PACRG: variants seen among roughly 807,000 people sequenced by gnomAD.
PACRG encodes the protein parkin coregulated.
PACRG carries 29 observed loss-of-function variants against 29.7 expected under a neutral mutation model. The observed-to-expected ratio is 0.98, with a 90% CI of 0.73 to 1.33. PACRG has a LOEUF of 1.33. PACRG is among the 40% of genes most tolerant of loss of function. The pLI is 0.00. For missense variants in PACRG, 279 were observed against 316.2 expected, an observed-to-expected ratio of 0.88 and a Z score of 0.89; for synonymous variants, 116 against 118.7, an observed-to-expected ratio of 0.98 and a Z score of 0.15.
intron 4 of PACRG, among the ~76,000 whole-genome samples, chr6:163,127,321 G>A (rs980320953): frequency 1.3e-5 from 2 of 152,146 alleles, no homozygotes; most frequent in East Asian, 1.9e-4. Flanking sequence ...AAATTGCCTC[G>A]GCCTATTCCT....
At chr6:163,109,339 G>A (rs1411065604) in intron 4 of PACRG, among the ~76,000 whole-genome samples, 1 of 152,194 alleles carries the variant, frequency 6.6e-6, no homozygotes, top group Non-Finnish European at 1.5e-5. Context: ...GTAACAGTGA[G>A]TTCAGAGCAT....
At chr6:163,122,262 A>G (rs1816314880) in intron 4 of PACRG, among the ~76,000 whole-genome samples, 1 of 149,676 alleles carries the variant, frequency 6.7e-6, no homozygotes, top group Non-Finnish European at 1.5e-5. Flanking sequence ...GTGTTTGTCC[A>G]TCTTCATTCT....
Position 162,851,076 on chromosome 6 carries a change from G to A in PACRG, c.291+36795G>A, listed in dbSNP as rs994164597. On this transcript the variant is annotated intron_variant, in intron 2 of 4. Transcript: ENST00000366888. Reference sequence around the variant, plus strand: ...CAGCATTTTCTGTGTTGACTGCGGCGGCAGTGGGGTGAGAGCGGAGGAAAA... The same window carrying A: ...CAGCATTTTCTGTGTTGACTGCGGCAGCAGTGGGGTGAGAGCGGAGGAAAA... Among the ~76,000 whole-genome samples, 14 of 152,192 alleles carry A rather than the reference G, an allele frequency of 9.2e-5. No homozygotes were observed. The East Asian group carries it at 9.6e-4, about 10-fold the overall frequency.
chr6:163,063,957 G>C (rs2274194), intron 3 of PACRG, among the ~76,000 whole-genome samples: 18,161 of 152,068 alleles, frequency 0.12, 1,243 homozygotes, highest in East Asian at 0.28. Flanking sequence ...AATTCTACTT[G>C]AACTGCTACA....
intron 4 of PACRG, among the ~76,000 whole-genome samples, chr6:163,231,666 C>A (rs547255481): frequency 6.6e-6 from 1 of 152,200 alleles, no homozygotes; most frequent in Non-Finnish European, 1.5e-5. Flanking sequence ...ATGCCTTCCC[C>A]AGGACCAGCA....
intron 2 of PACRG, among the ~76,000 whole-genome samples, chr6:163,041,392 G>C (rs1445167186): frequency 6.6e-6 from 1 of 152,162 alleles, no homozygotes; most frequent in East Asian, 1.9e-4. Flanking sequence ...GACCTGGTGG[G>C]AGGTGATTGG....
chr6:162,874,627 G>A (rs1054443342), intron 2 of PACRG, among the ~76,000 whole-genome samples: 23 of 152,176 alleles, frequency 1.5e-4, no homozygotes, highest in Non-Finnish European at 2.6e-4. Flanking sequence ...ACCCCCCAAT[G>A]TGGCGATTAG....
At chr6:163,061,364 C>A (rs1413196454) in intron 2 of PACRG, among the ~76,000 whole-genome samples, 1 of 152,220 alleles carries the variant, frequency 6.6e-6, no homozygotes, top group African/African-American at 2.4e-5. Context: ...CTCACAATCT[C>A]TTTTCTCAAC....
chr6:163,294,327 T>C (rs1334758759), intron 4 of PACRG, among the ~76,000 whole-genome samples: 7 of 152,140 alleles, frequency 4.6e-5, no homozygotes, highest in Admixed American at 3.9e-4. Context: ...TACAGAAATA[T>C]TTTTCTAAAA....
intron 2 of PACRG, among the ~76,000 whole-genome samples, chr6:162,932,951 A>G (rs1797960663): frequency 6.6e-6 from 1 of 151,516 alleles, no homozygotes; most frequent in African/African-American, 2.4e-5. Flanking sequence ...GAGATACATC[A>G]TTAGGTTGTT....
intron 2 of PACRG, among the ~76,000 whole-genome samples, chr6:162,883,591 T>G (rs1305598099): frequency 1.3e-5 from 2 of 152,168 alleles, no homozygotes. Flanking sequence ...TTAAAATATT[T>G]TCCAGTCTCA....
chr6:162,753,044 G>A (rs1781630093), intron 1 of PACRG, among the ~76,000 whole-genome samples: 1 of 152,122 alleles, frequency 6.6e-6, no homozygotes, highest in African/African-American at 2.4e-5. Flanking sequence ...TGTATACAAT[G>A]TGGCATGATT....
At chr6:163,283,950 C>T (rs1158284569) in intron 4 of PACRG, among the ~76,000 whole-genome samples, 1 of 151,930 alleles carries the variant, frequency 6.6e-6, no homozygotes, top group Non-Finnish European at 1.5e-5. Flanking sequence ...CCCATCTCTA[C>T]TAAAAATACA....
At chr6:162,986,754 C>T (rs1024911798) in intron 2 of PACRG, among the ~76,000 whole-genome samples, 3 of 152,076 alleles carry the variant, frequency 2.0e-5, no homozygotes, top group Non-Finnish European at 4.4e-5. Context: ...TGGATTAATT[C>T]GAAAGCCTTG....
intron 1 of PACRG, among the ~76,000 whole-genome samples, chr6:162,797,442 G>A (rs1228678543): frequency 1.3e-5 from 2 of 152,144 alleles, no homozygotes; most frequent in Non-Finnish European, 2.9e-5. Context: ...CTGGAAACAC[G>A]AAGTCAACCT....
At chr6:162,770,024 TA>T (rs1279210588) in intron 1 of PACRG, among the ~76,000 whole-genome samples, 1 of 152,100 alleles carries the variant, frequency 6.6e-6, no homozygotes, top group African/African-American at 2.4e-5. Context: ...ACTTCAGGGC[TA>T]TCACAAATAA....
chr6:162,881,593 T>C (rs895798269), intron 2 of PACRG, among the ~76,000 whole-genome samples: 8 of 151,776 alleles, frequency 5.3e-5, no homozygotes, highest in Non-Finnish European at 1.0e-4. Flanking sequence ...CCGGGGGCAC[T>C]CTCCACCAAG....
intron 3 of PACRG, among the ~76,000 whole-genome samples, chr6:163,066,348 C>A (rs1283764739): frequency 6.6e-6 from 1 of 152,186 alleles, no homozygotes; most frequent in East Asian, 1.9e-4. Flanking sequence ...GCAGTGACTG[C>A]AGTATCCCTC....
chr6:163,024,342 A>T (rs1305317719), intron 2 of PACRG, among the ~76,000 whole-genome samples: 2 of 152,142 alleles, frequency 1.3e-5, no homozygotes, highest in Non-Finnish European at 2.9e-5. Flanking sequence ...TCCTTTCCCC[A>T]TTGCTTGTTT....
Sources: gnomAD v4.1 joint callset for allele counts (sites outside exome capture counted in the v4.1 genomes callset) on GRCh38, gnomAD v4.1.1 for gene constraint, MANE v1.5 for transcripts, NCBI Gene and HGNC (gene_info 2026-07-23, HGNC 2026-07-21) for gene names.